Variants in BORA observed in about 807,000 individuals in gnomAD.
BORA encodes the protein protein aurora borealis.
Under a neutral mutation model 55.8 loss-of-function variants are expected in BORA, and 26 were observed. That is an observed-to-expected ratio of 0.47 (90% CI 0.34 to 0.65). BORA has a LOEUF of 0.65. Ranked by LOEUF, BORA falls within the 30% of genes least tolerant of loss-of-function variation. BORA has a pLI of 0.01. For synonymous variants in BORA, 201 were observed against 216.9 expected, an observed-to-expected ratio of 0.93 and a Z score of 0.64; for missense variants, 568 against 671.5, an observed-to-expected ratio of 0.85 and a Z score of 1.70.
intron 3 of BORA, among the ~76,000 whole-genome samples, chr13:72,733,437 C>T (rs1217733701): frequency 6.6e-6 from 1 of 152,300 alleles, no homozygotes; most frequent in Admixed American, 6.5e-5. Context: ...GGTCAGGATG[C>T]TCTCCCCTGT....
chr13:72,744,934 C>A, intron 7 of BORA, 47 bp from the exon 8 acceptor site: 1 of 1,535,544 alleles, frequency 6.5e-7, no homozygotes, highest in African/African-American at 1.4e-5. Flanking sequence ...AGTATAATTG[C>A]CCTTTAAAAT....
Position 72,727,940 on chromosome 13 carries a change from C to T in BORA, c.-83C>T, listed in dbSNP as rs759001039. On this transcript the variant is annotated 5_prime_UTR_variant, in exon 1 of 12. Transcript: ENST00000390667. ...GGGGAGTTAAAGAGTCTATGCCTGT[C>T]GTGGAAGCTGGCCTGGCCCCCGGAG... 9 of 1,550,520 alleles carry T rather than the reference C, an allele frequency of 5.8e-6. No homozygotes were observed. The highest frequency in any genetic ancestry group is 4.9e-5 in the East Asian group (2 of 40,924).
chr13:72,745,528 T>C (rs1349900361), intron 8 of BORA, among the ~76,000 whole-genome samples: 5 of 152,212 alleles, frequency 3.3e-5, no homozygotes, highest in Admixed American at 3.3e-4. Flanking sequence ...GTCATAGGGA[T>C]GTTTTAGGTC....
At chr13:72,743,306 T>A (rs978651722) in intron 5 of BORA, among the ~76,000 whole-genome samples, 2 of 152,060 alleles carry the variant, frequency 1.3e-5, no homozygotes, top group African/African-American at 2.4e-5. Flanking sequence ...GTAAAAAAAA[T>A]ATTGCTTGGT....
At chr13:72,740,112 T>C (rs1375319749) in intron 5 of BORA, among the ~76,000 whole-genome samples, 3 of 152,100 alleles carry the variant, frequency 2.0e-5, no homozygotes, top group South Asian at 2.1e-4. Flanking sequence ...ATCAACCACA[T>C]TGAGGTATAG....
intron 1 of BORA, chr13:72,728,313 T>G: frequency 3.2e-6 from 2 of 621,706 alleles, no homozygotes; most frequent in Non-Finnish European, 5.8e-6. Context: ...TCCCTTTCTA[T>G]CCCGGGAGGG....
intron 5 of BORA, among the ~76,000 whole-genome samples, chr13:72,740,299 TAA>T (rs145925594): frequency 1.5e-3 from 233 of 152,234 alleles, no homozygotes; most frequent in African/African-American, 5.5e-3. Context: ...CTGAAAATAA[TAA>T]AGTCCTTTAT....
intron 6 of BORA, 24 bp from the exon 7 acceptor site, chr13:72,744,477 ATTTG>A (rs751901357): frequency 2.0e-5 from 32 of 1,593,432 alleles, no homozygotes; most frequent in South Asian, 2.2e-5. Context: ...CCATGTTTGA[ATTTG>A]TTTATTTATT....
chr13:72,750,193 TAGAA>T (rs2033236500), intron 10 of BORA, among the ~76,000 whole-genome samples: 1 of 152,068 alleles, frequency 6.6e-6, no homozygotes, highest in Non-Finnish European at 1.5e-5. Flanking sequence ...AAGGGACACT[TAGAA>T]AGCACAGTGT....
In BORA at chr13:72,746,773, G is replaced by A; in HGVS notation, c.1144G>A (p.Gly382Arg). The change falls in exon 10 of 12, where the codon GGA (glycine) becomes AGA (arginine). Residue 382 changes from glycine to arginine, a missense_variant. Gly to Arg is a moderately radical substitution (Grantham distance 125). Coordinates refer to ENST00000390667, the MANE Select transcript of BORA (RefSeq NM_024808.5). ...DVSSPAMDAA[G>R]IHLRQFSNEA... ...CTCATCACCCGCCATGGATGCTGCT[G>A]GAATACACCTACGGCAGTTTAGTAA... 6.2e-7 allele frequency: 1 copy of A among 1,614,136 alleles called. No individual in the cohort carries two copies. Among genetic ancestry groups the A allele is most frequent in the Non-Finnish European group, 8.5e-7 (1 of 1,180,008 alleles).
chr13:72,744,522 C>T lies in BORA; in HGVS notation c.472C>T (p.Leu158=). 6.2e-7 allele frequency: 1 copy of T among 1,610,382 alleles called. No homozygotes were observed. The highest frequency in any genetic ancestry group is 1.1e-5 in the South Asian group (1 of 90,882). The change falls in exon 7 of 12, where the codon CTG becomes TTG. Residue 158 remains leucine (L), a synonymous_variant. Transcript: ENST00000390667. ...GTTTCCAGCTGCTTGTCAGACATTG[C>T]TGTCTCTTCCTGTGGATTTTAATTT... ...EKSDAACQTL[L]SLPVDFNLEN...
intron 5 of BORA, among the ~76,000 whole-genome samples, chr13:72,738,998 C>T (rs771567120): frequency 5.3e-5 from 8 of 152,134 alleles, no homozygotes; most frequent in Non-Finnish European, 7.4e-5. Flanking sequence ...AGTGGTAGCA[C>T]GCAATAGTAG....
At chr13:72,728,102 G>T in intron 1 of BORA, 95 bp downstream of exon 1, 2 of 1,491,308 alleles carry the variant, frequency 1.3e-6, no homozygotes, top group South Asian at 2.4e-5. Context: ...CTCGCCCCTG[G>T]TGAATGGGAG....
At chr13:72,740,440 TATTTAA>T (rs1186148947) in intron 5 of BORA, among the ~76,000 whole-genome samples, 6 of 152,270 alleles carry the variant, frequency 3.9e-5, no homozygotes, top group East Asian at 3.9e-4. Context: ...CACGTGTGAC[TATTTAA>T]ATTTAAAGTT....
At chr13:72,740,827 C>A (rs1223111745) in intron 5 of BORA, among the ~76,000 whole-genome samples, 2 of 152,186 alleles carry the variant, frequency 1.3e-5, no homozygotes, top group African/African-American at 4.8e-5. Flanking sequence ...GTAATATTAT[C>A]TAGGTTTGAA....
In BORA at chr13:72,755,254, T is replaced by C. The variant is rs779557859; in HGVS notation, c.*38T>C. 2 of 1,524,150 alleles carry C rather than the reference T, an allele frequency of 1.3e-6. No individual in the cohort carries two copies. The highest frequency in any genetic ancestry group is 4.5e-5 in the East Asian group (2 of 44,432). 94.4% of individuals were successfully genotyped at this position (1,524,150 alleles called of 1,614,324 possible). A position where few individuals can be genotyped will look rare whatever the true frequency, so the allele number is the denominator to read the frequency against. ...AGAATCAAAGACTAAGCTTAAGAGT[T>C]CCTCGCATATATCGTTGTGCACAGG... On this transcript the variant is annotated 3_prime_UTR_variant, in exon 12 of 12. Transcript: ENST00000390667.
chr13:72,749,243 C>A (rs1366631484), intron 10 of BORA, among the ~76,000 whole-genome samples: 7 of 152,142 alleles, frequency 4.6e-5, no homozygotes, highest in Non-Finnish European at 1.0e-4. Flanking sequence ...AGTGCTTAAT[C>A]TTTTGTTTAT....
intron 1 of BORA, 125 bp from the exon 2 acceptor site, chr13:72,728,801 A>T: frequency 1.3e-6 from 1 of 758,550 alleles, no homozygotes; most frequent in Non-Finnish European, 2.0e-6. Context: ...GCTGTATCAT[A>T]GCCCCAAGAG....
chr13:72,754,301 GTTTC>G (rs2033378079), intron 11 of BORA: 1 of 154,942 alleles, frequency 6.5e-6, no homozygotes. Flanking sequence ...CTTGTATGCC[GTTTC>G]TTTTTTTTCT....
Sources: gnomAD v4.1 joint callset for allele counts (sites outside exome capture counted in the v4.1 genomes callset) on GRCh38, gnomAD v4.1.1 for gene constraint, MANE v1.5 for transcripts, NCBI Gene and HGNC (gene_info 2026-07-23, HGNC 2026-07-21) for gene names.